TMLHE: variants seen among roughly 807,000 people sequenced by gnomAD.
The protein encoded by TMLHE is trimethyllysine dioxygenase, mitochondrial.
In TMLHE, 18 loss-of-function variants were observed where a neutral mutation model predicts 25.7. The observed-to-expected ratio is 0.70, with a 90% CI of 0.48 to 1.04. TMLHE has a LOEUF of 1.04. Among genes scored for constraint, TMLHE ranks in the 50% least tolerant of loss-of-function variants. The pLI, the probability that TMLHE is intolerant of heterozygous loss-of-function variation, is 0.00. For synonymous variants in TMLHE, 105 were observed against 97.0 expected, an observed-to-expected ratio of 1.08 and a Z score of -0.49; for missense variants, 236 against 259.0, an observed-to-expected ratio of 0.91 and a Z score of 0.61.
chrX:155,548,294 CA>C (rs1219329731), intron 1 of TMLHE, among the ~76,000 whole-genome samples: 6 of 111,895 alleles, frequency 5.4e-5, no homozygotes, highest in Non-Finnish European at 1.1e-4. Flanking sequence ...ATACAACCAA[CA>C]AAGTGAAGGG....
chrX:155,553,137 A>C (rs149794884), intron 1 of TMLHE, among the ~76,000 whole-genome samples: 1,506 of 110,916 alleles, frequency 0.014, 53 homozygotes, highest in African/African-American at 0.047. Context: ...TATGTGCAGA[A>C]AAGAATATGT....
intron 2 of TMLHE, among the ~76,000 whole-genome samples, chrX:155,533,411 C>T (rs1176777683): frequency 1.8e-5 from 2 of 111,771 alleles, no homozygotes; most frequent in African/African-American, 6.5e-5. Context: ...ATATATCCCC[C>T]TATTGGTTCT....
chrX:155,553,981 T>TATCC (rs1477372432), intron 1 of TMLHE, among the ~76,000 whole-genome samples: 1 of 99,707 alleles, frequency 1.0e-5, no homozygotes, highest in Non-Finnish European at 2.0e-5. Context: ...TTACTATTTT[T>TATCC]ATTCATTCAT....
chrX:155,511,819 G>T, intron 4 of TMLHE, 27 bp from the exon 5 acceptor site: 1 of 1,137,764 alleles, frequency 8.8e-7, no homozygotes, highest in Non-Finnish European at 1.2e-6. Flanking sequence ...AGAAAGACCT[G>T]TTAGCTATTT....
intron 1 of TMLHE, among the ~76,000 whole-genome samples, chrX:155,592,157 A>G (rs1373147999): frequency 2.7e-5 from 3 of 111,919 alleles, no homozygotes; most frequent in Non-Finnish European, 5.6e-5. Context: ...GAACTCATAG[A>G]AGCAGAGAAT....
chrX:155,596,965 C>T (rs949252806), intron 1 of TMLHE, among the ~76,000 whole-genome samples: 80 of 107,834 alleles, frequency 7.4e-4, no homozygotes, highest in Middle Eastern at 4.7e-3. Flanking sequence ...GCCATGTTGG[C>T]GTGCTGCACC....
In TMLHE at chrX:155,587,523, A is replaced by G. The variant is rs1169521762; in HGVS notation, c.-2+25269T>C. Among the ~76,000 whole-genome samples, 7 of 111,725 alleles carry G rather than the reference A, an allele frequency of 6.3e-5. No individual in the cohort carries two copies. The Admixed American group carries it at 6.7e-4, about 11-fold the overall frequency. On this transcript the variant is annotated intron_variant, in intron 1 of 7. Coordinates refer to ENST00000334398, the MANE Select transcript of TMLHE (RefSeq NM_018196.4). ...CTGGAAGTGCTAGCCAGAGCAACCA[A>G]GCAAGAGAAAGAAATAAAACGCATC...
chrX:155,530,132 G>A (rs1268500105), intron 2 of TMLHE, among the ~76,000 whole-genome samples: 5 of 111,969 alleles, frequency 4.5e-5, no homozygotes, highest in Non-Finnish European at 9.4e-5. Context: ...CATGTTCATT[G>A]CAGCATTATT....
intron 2 of TMLHE, among the ~76,000 whole-genome samples, chrX:155,537,310 A>G (rs2067284715): frequency 9.0e-6 from 1 of 111,181 alleles, no homozygotes; most frequent in Non-Finnish European, 1.9e-5. Flanking sequence ...TCTAAAACCC[A>G]AGCTTCTTTG....
chrX:155,548,820 A>C (rs1263130206), intron 1 of TMLHE, among the ~76,000 whole-genome samples: 1 of 110,647 alleles, frequency 9.0e-6, no homozygotes, highest in East Asian at 2.8e-4. Flanking sequence ...CTAAGAGAAA[A>C]CACATATGGT....
At chrX:155,555,039 A>G (rs183734161) in intron 1 of TMLHE, among the ~76,000 whole-genome samples, 3 of 108,811 alleles carry the variant, frequency 2.8e-5, no homozygotes, top group East Asian at 5.7e-4. Context: ...CCAGCTCCCC[A>G]CCCCCTGACA....
chrX:155,561,711 A>C (rs2067497493), intron 1 of TMLHE, among the ~76,000 whole-genome samples: 1 of 62,622 alleles, frequency 1.6e-5, no homozygotes, highest in South Asian at 9.2e-4. Flanking sequence ...AAATGCTCCC[A>C]TTCCAAATGG....
intron 1 of TMLHE, among the ~76,000 whole-genome samples, chrX:155,586,226 C>CAA (rs34370815): frequency 5.0e-5 from 4 of 80,501 alleles, no homozygotes; most frequent in African/African-American, 2.0e-4. Context: ...AGCTCCGTCT[C>CAA]AAAAAAAAAA....
chrX:155,571,286 A>G lies in TMLHE; in HGVS notation c.-1-26009T>C, dbSNP rs1267638019. 3.5e-5 allele frequency among the ~76,000 whole-genome samples: 2 copies of G among 56,425 alleles called. 1 individual carries two copies. The highest frequency in any genetic ancestry group is 9.1e-5 in the Non-Finnish European group (2 of 21,858). 49.0% of individuals were successfully genotyped at this position (56,425 alleles called of 115,157 possible). ...ACACCCTCCCAAAACTAAACCAGGA[A>G]GAAGTTGAATCTCTGAATAGACCAA... On this transcript the variant is annotated intron_variant, in intron 1 of 7. Coordinates refer to ENST00000334398, the MANE Select transcript of TMLHE (RefSeq NM_018196.4).
intron 1 of TMLHE, among the ~76,000 whole-genome samples, chrX:155,558,633 A>G (rs1285429486): frequency 8.9e-6 from 1 of 111,826 alleles, no homozygotes; most frequent in Admixed American, 9.5e-5. Context: ...TGCTTAAGAT[A>G]TTTTGCTTAA....
chrX:155,555,372 T>C (rs1557340630), intron 1 of TMLHE, among the ~76,000 whole-genome samples: 5 of 110,616 alleles, frequency 4.5e-5, no homozygotes, highest in Non-Finnish European at 7.6e-5. Flanking sequence ...GCATGATTTA[T>C]AATCCTTTGG....
chrX:155,547,293 T>G (rs5940379), intron 1 of TMLHE, among the ~76,000 whole-genome samples: 1 of 84,592 alleles, frequency 1.2e-5, no homozygotes, highest in Non-Finnish European at 2.4e-5. Flanking sequence ...TACAGGCACC[T>G]GCCACCACGC....
chrX:155,549,291 TCCTGATCTTA>T lies in TMLHE; in HGVS notation c.-1-4024_-1-4015del, dbSNP rs1557339621. Among the ~76,000 whole-genome samples, 3 of 110,740 alleles carry T rather than the reference TCCTGATCTTA, an allele frequency of 2.7e-5. 1 individual carries two copies. The highest frequency in any genetic ancestry group is 5.7e-5 in the Non-Finnish European group (3 of 53,007). On this transcript the variant is annotated intron_variant, in intron 1 of 7. Transcript: ENST00000334398. ...GTAAGCATGGACAACCTTGCCTTGT[TCCTGATCTTA>T]GGGGAAAACATTCTAGTTTCATGAT...
At chrX:155,575,255 A>G (rs1195840952) in intron 1 of TMLHE, among the ~76,000 whole-genome samples, 1 of 111,965 alleles carries the variant, frequency 8.9e-6, no homozygotes, top group Non-Finnish European at 1.9e-5. Flanking sequence ...AAGTTAAATA[A>G]TTTCATTTTA....
Sources: gnomAD v4.1 joint callset for allele counts (sites outside exome capture counted in the v4.1 genomes callset) on GRCh38, gnomAD v4.1.1 for gene constraint, MANE v1.5 for transcripts, NCBI Gene and HGNC (gene_info 2026-07-23, HGNC 2026-07-21) for gene names.